MACF1: variants seen among roughly 807,000 people sequenced by gnomAD.
The protein encoded by MACF1 is microtubule-actin cross-linking factor 1.
Under a neutral mutation model 854.8 loss-of-function variants are expected in MACF1, and 193 were observed. That is an observed-to-expected ratio of 0.23 (90% CI 0.20 to 0.25). MACF1 has a LOEUF of 0.25. Among genes scored for constraint, MACF1 ranks in the 10% least tolerant of loss-of-function variants. MACF1 has a pLI of 1.00. For synonymous variants in MACF1, 3,185 were observed against 3,226.7 expected (o/e 0.99, Z 0.44); for missense variants, 7,722 against 8,929.1 (o/e 0.86, Z 5.45).
At chr1:39,254,068 T>G in intron 4 of MACF1, 1 of 488,294 alleles carries the variant, frequency 2.0e-6, no homozygotes, top group Non-Finnish European at 3.7e-6. Context: ...AACAGTATTC[T>G]GTGTTTGCGA....
intron 42 of MACF1, among the ~76,000 whole-genome samples, chr1:39,350,277 A>C (rs2148499692): frequency 6.6e-6 from 1 of 152,312 alleles, no homozygotes; most frequent in South Asian, 2.1e-4. Context: ...ATTGGTCTTG[A>C]GGTGGGTATG....
intron 2 of MACF1, among the ~76,000 whole-genome samples, chr1:39,135,966 C>T (rs1156932073): frequency 1.3e-5 from 2 of 152,158 alleles, no homozygotes; most frequent in Non-Finnish European, 2.9e-5. Flanking sequence ...CAGCGAACGG[C>T]CAACTGTGTG....
At chr1:39,432,760 G>T in intron 67 of MACF1, 106 bp downstream of exon 67, 1 of 1,205,554 alleles carries the variant, frequency 8.3e-7, no homozygotes, top group South Asian at 1.9e-5. Flanking sequence ...GTGGCATGAT[G>T]GTAAATAGAA....
At chr1:39,343,485 C>G (rs1646980439) in intron 40 of MACF1, among the ~76,000 whole-genome samples, 1 of 152,050 alleles carries the variant, frequency 6.6e-6, no homozygotes, top group African/African-American at 2.4e-5. Flanking sequence ...TAAGATATTA[C>G]AAAGAAGCAA....
chr1:39,279,384 T>TA (rs992553429), intron 6 of MACF1, among the ~76,000 whole-genome samples: 6 of 152,254 alleles, frequency 3.9e-5, no homozygotes, highest in Admixed American at 1.3e-4. Flanking sequence ...AATATAGTGT[T>TA]AAAGTTCCTG....
At chr1:39,414,130 A>G (rs1379773611) in intron 58 of MACF1, 1 of 1,608,292 alleles carries the variant, frequency 6.2e-7, no homozygotes, top group East Asian at 2.2e-5. Flanking sequence ...TGCAGTGTCC[A>G]ACCTAGAGGA....
intron 2 of MACF1, among the ~76,000 whole-genome samples, chr1:39,235,298 G>GT (rs1557535024): frequency 6.3e-4 from 96 of 152,364 alleles, no homozygotes; most frequent in African/African-American, 2.2e-3. Flanking sequence ...GCGGTTAGGG[G>GT]CTGGAGACTG....
chr1:39,356,132 C>T (rs1015832645), intron 44 of MACF1, among the ~76,000 whole-genome samples: 2 of 152,090 alleles, frequency 1.3e-5, no homozygotes, highest in African/African-American at 4.8e-5. Flanking sequence ...AAGAACATCC[C>T]AATATATGTT....
intron 6 of MACF1, chr1:39,269,671 G>A (rs1358156247): frequency 3.9e-6 from 5 of 1,289,628 alleles, no homozygotes; most frequent in Non-Finnish European, 5.1e-6. Flanking sequence ...GAAGAGGATG[G>A]CACTCTTTCT....
At chr1:39,484,773 G>A (rs1557678963) in intron 100 of MACF1, 43 bp downstream of exon 100, 4 of 1,613,016 alleles carry the variant, frequency 2.5e-6, no homozygotes, top group Non-Finnish European at 1.7e-6. Context: ...CTGAGAATTT[G>A]GAAACAACAG....
chr1:39,432,809 T>G (rs1643896810), intron 67 of MACF1, among the ~76,000 whole-genome samples, 155 bp downstream of exon 67: 1 of 150,374 alleles, frequency 6.7e-6, no homozygotes, highest in African/African-American at 2.4e-5. Context: ...GAGGAAGAAT[T>G]TTTTTTTTTG....
chr1:39,385,606 G>T lies in MACF1; in HGVS notation c.14021G>T (p.Arg4674Leu). The change falls in exon 57 of 101, where the codon CGT (arginine) becomes CTT (leucine). Residue 4674 changes from arginine to leucine, a missense_variant. By Grantham distance (102) the Arg-to-Leu change is moderately radical (BLOSUM62 -2). This residue lies in a region of MACF1 where 2,807 missense variants were observed against 3,235.8 expected (regional missense o/e 0.87). Transcript: ENST00000564288. ...WVELTDKLNS[R>L]SSQIDQAIVK... is the part of the protein sequence containing the mutation. ...GAGCTGACTGACAAACTCAACTCCC[G>T]TTCCAGCCAAATTGACCAAGCTATT... 1 of 1,614,092 alleles carries T rather than the reference G, an allele frequency of 6.2e-7. No individual in the cohort carries two copies. Among genetic ancestry groups the T allele is most frequent in the Admixed American group, 1.7e-5 (1 of 60,000 alleles).
In MACF1 at chr1:39,283,613, G is replaced by T. The variant is rs948263567; in HGVS notation, c.915+98G>T. The stretch of plus-strand genomic sequence containing the variant: ...CTTAAGCACTTATGGTATACTCATG[G>T]TATCAAACTATATATCCAGTATCTT... On this transcript the variant is annotated intron_variant, in intron 9 of 100. Coordinates refer to ENST00000564288, the MANE Select transcript of MACF1 (RefSeq NM_001394062.1). This position sits in a 1 kb window ranked among gnomAD's most constrained non-coding sequence, Gnocchi z 4.5. The T allele has an allele frequency of 6.1e-6, 5 of 816,496 alleles. No homozygotes were observed. Among genetic ancestry groups the T allele is most frequent in the African/African-American group, 3.4e-5 (2 of 58,660 alleles). The allele number at this position is 816,496 out of a possible 1,614,324, so 50.6% of individuals were successfully genotyped here.
At chr1:39,337,134 T>G (rs1229691648) in intron 37 of MACF1, 48 bp from the exon 38 acceptor site, 1 of 1,566,688 alleles carries the variant, frequency 6.4e-7, no homozygotes, top group Non-Finnish European at 8.6e-7. Flanking sequence ...TAAAGCTGAC[T>G]TACAGGAGAA....
intron 47 of MACF1, among the ~76,000 whole-genome samples, chr1:39,360,379 T>C (rs1449757767): frequency 2.0e-5 from 3 of 151,958 alleles, no homozygotes; most frequent in African/African-American, 7.2e-5. Context: ...GTTGTAGATG[T>C]CAGATAAGAT....
chr1:39,134,067 G>A (rs1166142173), intron 2 of MACF1, among the ~76,000 whole-genome samples: 1 of 136,572 alleles, frequency 7.3e-6, no homozygotes, highest in African/African-American at 2.9e-5. Context: ...TTGAGATGGG[G>A]TCTCGCTCTG....
intron 30 of MACF1, 141 bp from the exon 31 acceptor site, chr1:39,319,523 A>G: frequency 1.7e-6 from 1 of 572,726 alleles, no homozygotes; most frequent in Non-Finnish European, 3.1e-6. Flanking sequence ...GGTGAGGCCC[A>G]GCAGTATGTG....
intron 2 of MACF1, among the ~76,000 whole-genome samples, chr1:39,153,118 A>C (rs1029997002): frequency 6.6e-6 from 1 of 152,096 alleles, no homozygotes; most frequent in African/African-American, 2.4e-5. Flanking sequence ...GTTACACCTG[A>C]CTGTTTCAAT....
chr1:39,245,104 A>T (rs956529975), intron 2 of MACF1, among the ~76,000 whole-genome samples: 4 of 152,214 alleles, frequency 2.6e-5, no homozygotes, highest in African/African-American at 9.7e-5. Flanking sequence ...TTCTTATAAT[A>T]TGTACAAGTT....
Sources: gnomAD v4.1 joint callset for allele counts (sites outside exome capture counted in the v4.1 genomes callset) on GRCh38, gnomAD v4.1.1 for gene constraint, gnomAD v4.1.1 regional missense constraint, Gnocchi (gnomAD v3.1) non-coding constraint, MANE v1.5 for transcripts, NCBI Gene and HGNC (gene_info 2026-07-23, HGNC 2026-07-21) for gene names.